The following ITGB8 variants were observed in gnomAD, a reference collection of about 807,000 sequenced individuals.
ITGB8 encodes the protein integrin beta-8.
ITGB8 carries 30 observed loss-of-function variants against 89.5 expected under a neutral mutation model. The observed-to-expected ratio is 0.34, with a 90% CI of 0.25 to 0.45. ITGB8 has a LOEUF of 0.45. Among genes scored for constraint, ITGB8 ranks in the 20% least tolerant of loss-of-function variants. The pLI is 1.00. For synonymous variants in ITGB8, 335 were observed against 320.4 expected (o/e 1.05, Z -0.49); for missense variants, 836 against 933.3 (o/e 0.90, Z 1.36).
In ITGB8 at chr7:20,406,129, T is replaced by G; in HGVS notation, c.1981T>G (p.Cys661Gly). 6.2e-7 allele frequency: 1 copy of G among 1,613,388 alleles called. No individual in the cohort carries two copies. The highest frequency in any genetic ancestry group is 8.5e-7 in the Non-Finnish European group (1 of 1,179,294). ...QAILDQCKTSCALMEQQHYVD... is the reference protein window; with the variant it reads ...QAILDQCKTSGALMEQQHYVD... ...TATACTTGATCAGTGCAAAACCTCA[T>G]GTGCTCTCATGGAACAACAGCATTA... Residue 661 changes from cysteine (C) to glycine (G), a missense_variant, in exon 12 of 14, where the codon TGT becomes GGT. Physicochemically the swap from Cys to Gly is radical, Grantham distance 159. This residue lies in a region of ITGB8 where 422 missense variants were observed against 416.9 expected (regional missense o/e 1.01). Transcript: ENST00000222573.
intron 4 of ITGB8, chr7:20,380,302 T>A (rs1583512692): frequency 6.1e-6 from 1 of 163,264 alleles, no homozygotes; most frequent in African/African-American, 2.4e-5. Context: ...AAAAGCATTT[T>A]CCAGAAGTGT....
intron 1 of ITGB8, among the ~76,000 whole-genome samples, chr7:20,356,913 CT>C (rs1377143683): frequency 1.3e-5 from 2 of 151,966 alleles, no homozygotes; most frequent in Non-Finnish European, 2.9e-5. Context: ...ATTTTTTCCC[CT>C]GTCACTTCTA....
intron 1 of ITGB8, among the ~76,000 whole-genome samples, chr7:20,359,128 T>A (rs1785404489): frequency 6.6e-6 from 1 of 152,170 alleles, no homozygotes; most frequent in Admixed American, 6.5e-5. Context: ...GGCACCTAGG[T>A]TGATTCCATG....
intron 7 of ITGB8, among the ~76,000 whole-genome samples, chr7:20,393,345 G>A (rs1203295823): frequency 1.3e-5 from 2 of 152,230 alleles, no homozygotes; most frequent in Non-Finnish European, 2.9e-5. Flanking sequence ...TCCAAAGCCT[G>A]GGAAGCTCCG....
intron 8 of ITGB8, among the ~76,000 whole-genome samples, chr7:20,398,522 A>G (rs1480584532): frequency 6.6e-6 from 1 of 152,220 alleles, no homozygotes; most frequent in East Asian, 1.9e-4. Context: ...AGGTTTAATT[A>G]CACTTTATCA....
rs1356109804 is a variant in ITGB8, at chr7:20,404,855, TATG to T, written c.1913+5_1913+7del. 1.2e-6 allele frequency: 2 copies of T among 1,612,854 alleles called. No homozygotes were observed. Among genetic ancestry groups the T allele is most frequent in the Non-Finnish European group, 8.5e-7 (1 of 1,178,912 alleles). On this transcript the variant is annotated splice_donor_5th_base_variant and intron_variant, in intron 11 of 13. Coordinates refer to ENST00000222573, the MANE Select transcript of ITGB8 (RefSeq NM_002214.3). ...TTATACAGCCTGCAAGGAAAACTGG[TATG>T]ATTTCTTTGACTCCAAACATACACA...
rs1785730466 is a variant in ITGB8, at chr7:20,367,106, C to A, written c.308C>A (p.Ser103Tyr). 1 of 1,610,334 alleles carries A rather than the reference C, an allele frequency of 6.2e-7. No individual in the cohort carries two copies. Among genetic ancestry groups the A allele is most frequent in the Admixed American group, 1.7e-5 (1 of 59,978 alleles). The change falls in exon 3 of 14, where the codon TCT (serine) becomes TAT (tyrosine). Residue 103 changes from serine (S) to tyrosine (Y), a missense_variant. Transcript: ENST00000222573. ...GCSVDSIEYP[S>Y]VHVIIPTENE... Reference sequence around the variant, plus strand: ...TCAGTTGATTCAATAGAATACCCATCTGTGCATGTTATAATACCCACTGAA... The same window carrying A: ...TCAGTTGATTCAATAGAATACCCATATGTGCATGTTATAATACCCACTGAA...
rs574466370 is a variant in ITGB8 at position 20,360,499 on chromosome 7, T to C, written c.128-3138T>C. Among the ~76,000 whole-genome samples the C allele has an allele frequency of 3.3e-5, 5 of 152,210 alleles. 1 individual carries two copies. In the South Asian group the frequency reaches 8.3e-4, roughly 25 times the overall value. On this transcript the variant is annotated intron_variant, in intron 1 of 13. Transcript: ENST00000222573. ...GGTAATTTTTCATCCCTCAGCCCTC[T>C]CCCAAACCCTTCTTCTGAGTTTCCA...
chr7:20,374,393 G>A (rs1267483673), intron 3 of ITGB8, among the ~76,000 whole-genome samples: 1 of 151,324 alleles, frequency 6.6e-6, no homozygotes, highest in South Asian at 2.1e-4. Flanking sequence ...TCTAGTAGTA[G>A]TAAGTAATAA....
chr7:20,391,993 C>G (rs1009731011), intron 7 of ITGB8, among the ~76,000 whole-genome samples: 4 of 152,064 alleles, frequency 2.6e-5, no homozygotes, highest in African/African-American at 4.8e-5. Context: ...AGTGTCTGAG[C>G]CAGTCAAAGC....
At chr7:20,396,267 T>C (rs1270609913) in intron 8 of ITGB8, among the ~76,000 whole-genome samples, 1 of 151,964 alleles carries the variant, frequency 6.6e-6, no homozygotes, top group African/African-American at 2.4e-5. Flanking sequence ...TGAAACCCTG[T>C]CTCTACTAAA....
chr7:20,346,694 G>A, intron 1 of ITGB8: 1 of 985,158 alleles, frequency 1.0e-6, no homozygotes, highest in East Asian at 1.1e-4. Flanking sequence ...CTTTCTCTGG[G>A]TGTCTTAAGA....
At chr7:20,381,702 G>C (rs1786402165) in intron 5 of ITGB8, 25 bp from the exon 6 acceptor site, 1 of 1,577,658 alleles carries the variant, frequency 6.3e-7, no homozygotes, top group East Asian at 2.2e-5. Context: ...ATTGTACAAA[G>C]TCTAATTACA....
At chr7:20,342,047 C>A (rs1784775735) in intron 1 of ITGB8, among the ~76,000 whole-genome samples, 1 of 152,164 alleles carries the variant, frequency 6.6e-6, no homozygotes, top group Non-Finnish European at 1.5e-5. Context: ...TTCTCCTATA[C>A]TGCGTAATTA....
intron 1 of ITGB8, among the ~76,000 whole-genome samples, chr7:20,343,406 C>T (rs765705437): frequency 2.0e-5 from 3 of 152,182 alleles, no homozygotes; most frequent in Non-Finnish European, 4.4e-5. Context: ...GAGGTGACAT[C>T]GTCCTGTTAT....
chr7:20,377,411 C>A (rs34134267), intron 3 of ITGB8: 59,739 of 151,904 alleles, frequency 0.39, 12,168 homozygotes, highest in Non-Finnish European at 0.44. Flanking sequence ...AAAAACAAAA[C>A]CAAAAAAACG....
Position 20,367,192 on chromosome 7 carries a change from G to C in ITGB8, c.388+6G>C. 6.3e-7 allele frequency: 1 copy of C among 1,589,084 alleles called. No individual in the cohort carries two copies. Among genetic ancestry groups the C allele is most frequent in the Non-Finnish European group, 8.6e-7 (1 of 1,166,064 alleles). ...GTCTATCCAGCTGCGTCCAGGTTTGGTCATTTTCAAATAAATCTATAATGA... is the reference window on the plus strand; with the variant it reads ...GTCTATCCAGCTGCGTCCAGGTTTGCTCATTTTCAAATAAATCTATAATGA... On this transcript the variant is annotated splice_donor_region_variant and intron_variant, in intron 3 of 13. Transcript: ENST00000222573.
intron 8 of ITGB8, among the ~76,000 whole-genome samples, chr7:20,395,659 G>A (rs1406708452): frequency 6.6e-6 from 1 of 152,140 alleles, no homozygotes; most frequent in Non-Finnish European, 1.5e-5. Context: ...TGAAAATAGT[G>A]ACTGCTACTT....
chr7:20,360,466 A>T (rs1785457673), intron 1 of ITGB8, among the ~76,000 whole-genome samples: 3 of 144,426 alleles, frequency 2.1e-5, no homozygotes, highest in African/African-American at 7.6e-5. Context: ...TGTGTACATT[A>T]CACAATAGGT....
Sources: allele counts gnomAD v4.1 joint callset (sites outside exome capture counted in the v4.1 genomes callset), GRCh38; gene constraint gnomAD v4.1.1; regional missense constraint gnomAD v4.1.1; transcripts MANE v1.5; gene names NCBI Gene and HGNC (gene_info 2026-07-23, HGNC 2026-07-21).